The following EPPK1 variants were observed in gnomAD, a reference collection of about 807,000 sequenced individuals.
EPPK1 encodes the protein epiplakin 1.
For missense variants in EPPK1, 3,823 were observed against 3,673.3 expected (o/e 1.04, Z -1.05); for synonymous variants, 1,862 against 1,721.2 (o/e 1.08, Z -2.03).
At position 143,867,750 on chromosome 8, in the gene EPPK1, A is replaced by G. The variant is rs1554659597; in HGVS notation, c.5504T>C (p.Ile1835Thr). The change falls in exon 2 of 2, where the codon ATT becomes ACT. Residue 1835 changes from isoleucine to threonine, a missense_variant. Physicochemically the swap from Ile to Thr is moderately conservative, Grantham distance 89. Coordinates refer to ENST00000615648, the MANE Select transcript of EPPK1 (RefSeq NM_031308.4). ...EKLLEIITTT[I>T]EETETQNQGI... is the part of the protein sequence containing the mutation. The stretch of plus-strand genomic sequence containing the variant: ...TTGGTTTTGCGTCTCTGTTTCTTCA[A>G]TTGTCGTGGTGATGATTTCCAGCAA... The G allele has an allele frequency of 1.9e-6, 3 of 1,613,414 alleles. No individual in the cohort carries two copies. Among genetic ancestry groups the G allele is most frequent in the African/African-American group, 1.3e-5 (1 of 74,866 alleles).
At position 143,867,565 on chromosome 8, in the gene EPPK1, C is replaced by A; in HGVS notation, c.5689G>T (p.Gly1897Cys). 2 of 1,612,858 alleles carry A rather than the reference C, an allele frequency of 1.2e-6. No homozygotes were observed. Among genetic ancestry groups the A allele is most frequent in the Non-Finnish European group, 1.7e-6 (2 of 1,179,830 alleles). The stretch of plus-strand genomic sequence containing the variant: ...GGCACCGTGACCCCCGCAATGCAGC[C>A]GCTGCCTTCCAGATAGGGCTTCACA... ...ECVKPYLEGS[G>C]CIAGVTVPST... Residue 1897 changes from glycine (G) to cysteine (C), a missense_variant, in exon 2 of 2, where the codon GGC becomes TGC. By Grantham distance (159) the Gly-to-Cys change is radical (BLOSUM62 -3). Transcript: ENST00000615648.
intron 1 of EPPK1, among the ~76,000 whole-genome samples, chr8:143,876,475 T>C (rs994591144): frequency 2.0e-5 from 3 of 152,120 alleles, no homozygotes; most frequent in Non-Finnish European, 4.4e-5. Context: ...GATCTGCTTC[T>C]GGGGGGTACA....
At position 143,870,816 on chromosome 8, in the gene EPPK1, G is replaced by T. The variant is rs782170159; in HGVS notation, c.2438C>A (p.Ala813Asp). 4 of 1,612,806 alleles carry T rather than the reference G, an allele frequency of 2.5e-6. No individual in the cohort carries two copies. The highest frequency in any genetic ancestry group is 1.3e-5 in the African/African-American group (1 of 75,052). ...SPLVDSATQQ[A>D]FQNLLLSVKY... ...CACGGAGAGCAGCAGGTTCTGGAAG[G>T]CCTGCTGGGTGGCACTGTCCACCAG... Residue 813 changes from alanine (A) to aspartate (D), a missense_variant, in exon 2 of 2, where the codon GCC becomes GAC. By Grantham distance (126) the Ala-to-Asp change is moderately radical (BLOSUM62 -2). Coordinates refer to ENST00000615648, the MANE Select transcript of EPPK1 (RefSeq NM_031308.4). The surrounding 1 kb of genome is among the most constrained non-coding windows in gnomAD (Gnocchi z 5.2).
rs1439018615 is a variant in EPPK1 at position 143,878,455 on chromosome 8, G to C, written c.-63C>G. Reference sequence around the variant, plus strand: ...CGCCGCACCTGCCCGCTCGCCGCTCGGTCCGCAGTGTCTCCGCGCGCCCGC... The same window carrying C: ...CGCCGCACCTGCCCGCTCGCCGCTCCGTCCGCAGTGTCTCCGCGCGCCCGC... On this transcript the variant is annotated 5_prime_UTR_variant, in exon 1 of 2. Coordinates refer to ENST00000615648, the MANE Select transcript of EPPK1 (RefSeq NM_031308.4). The C allele has an allele frequency of 5.6e-5, 6 of 107,716 alleles. No homozygotes were observed. Among genetic ancestry groups the C allele is most frequent in the African/African-American group, 2.7e-4 (6 of 22,586 alleles). The allele number at this position is 107,716 out of a possible 1,614,324, so 6.7% of individuals were successfully genotyped here. A position where few individuals can be genotyped will look rare whatever the true frequency, so the allele number is the denominator to read the frequency against.
At position 143,868,336 on chromosome 8, in the gene EPPK1, C is replaced by T. The variant is rs371266024; in HGVS notation, c.4918G>A (p.Val1640Met). The change falls in exon 2 of 2, where the codon GTG becomes ATG. Residue 1640 changes from valine to methionine, a missense_variant. Transcript: ENST00000615648. ...GCGCGCTCGGCCGACAGCAGCTTCA[C>T]GTAGGTTTCTTTCCCGAACATTCCT... The part of the protein sequence containing the change: ...KAGMFGKETY[V>M]KLLSAERAVT... 100 of 1,613,130 alleles carry T rather than the reference C, an allele frequency of 6.2e-5. No individual in the cohort carries two copies. Among genetic ancestry groups the T allele is most frequent in the South Asian group, 6.1e-4 (56 of 91,084 alleles).
At position 143,866,769 on chromosome 8, in the gene EPPK1, A is replaced by G; in HGVS notation, c.6485T>C (p.Ile2162Thr). 2 of 1,613,404 alleles carry G rather than the reference A, an allele frequency of 1.2e-6. No individual in the cohort carries two copies. Among genetic ancestry groups the G allele is most frequent in the Non-Finnish European group, 1.7e-6 (2 of 1,179,846 alleles). The change falls in exon 2 of 2, where the codon ATC becomes ACC. Residue 2162 changes from isoleucine (I) to threonine (T), a missense_variant. Transcript: ENST00000615648. ...QTVAQLILEL[I>T]EKQETSNKHL... is the part of the protein sequence containing the mutation. ...TTTGTTGCTGGTTTCCTGCTTCTCGATCAACTCTAAGATGAGCTGCGCTAC... is the reference window on the plus strand; with the variant it reads ...TTTGTTGCTGGTTTCCTGCTTCTCGGTCAACTCTAAGATGAGCTGCGCTAC...
In EPPK1 at chr8:143,871,747, A is replaced by G; in HGVS notation, c.1507T>C (p.Phe503Leu). 6.2e-7 allele frequency: 1 copy of G among 1,610,420 alleles called. No homozygotes were observed. Among genetic ancestry groups the G allele is most frequent in the Non-Finnish European group, 8.5e-7 (1 of 1,178,824 alleles). ...CAGAGGGACACGGGCCGGCCCCGGA[A>G]CTTCCCCACAGAGACGGTGGCTGTG... is the stretch of plus-strand genomic sequence containing the variant. ...TATATVSVGK[F>L]RGRPVSLWEL... Residue 503 changes from phenylalanine to leucine, a missense_variant, in exon 2 of 2, where the codon TTC (phenylalanine) becomes CTC (leucine). By Grantham distance (22) the Phe-to-Leu change is conservative (BLOSUM62 0). Transcript: ENST00000615648.
Position 143,871,647 on chromosome 8 carries a change from A to G in EPPK1, c.1607T>C (p.Leu536Pro), listed in dbSNP as rs1554661253. ...CTTAGCGGCCAGCTTCTCCACGGAG[A>G]GGGTCCCTTCCTGGTACTGCTGGGC... ...MLAQQYQEGT[L>P]SVEKLAAKLS... Residue 536 changes from leucine (L) to proline (P), a missense_variant, in exon 2 of 2, where the codon CTC becomes CCC. By Grantham distance (98) the Leu-to-Pro change is moderately conservative. Transcript: ENST00000615648. 6.2e-7 allele frequency: 1 copy of G among 1,603,246 alleles called. No individual in the cohort carries two copies. The highest frequency in any genetic ancestry group is 1.1e-5 in the South Asian group (1 of 89,648).
chr8:143,867,874 C>T lies in EPPK1; in HGVS notation c.5380G>A (p.Val1794Ile), dbSNP rs782787237. 9 of 1,613,194 alleles carry T rather than the reference C, an allele frequency of 5.6e-6. No individual in the cohort carries two copies. The highest frequency in any genetic ancestry group is 5.5e-5 in the South Asian group (5 of 91,062). ...GAGGACAGCAGGTCCCAGAAAGAGA[C>T]CACCTGGTCAGCAAACCTCCCCACG... Reference protein sequence around the residue: ...MRVGRFADQVVSFWDLLSSPY... With the variant: ...MRVGRFADQVISFWDLLSSPY... Residue 1794 changes from valine to isoleucine, a missense_variant, in exon 2 of 2, where the codon GTC becomes ATC. Physicochemically the swap from Val to Ile is conservative, Grantham distance 29. Coordinates refer to ENST00000615648, the MANE Select transcript of EPPK1 (RefSeq NM_031308.4).
chr8:143,872,749 C>T lies in EPPK1; in HGVS notation c.505G>A (p.Val169Met), dbSNP rs560074968. The T allele has an allele frequency of 1.8e-4, 286 of 1,592,260 alleles. 3 individuals carry two copies. In the East Asian group the frequency reaches 5.0e-3, roughly 28 times the overall value. ...TGGTGGCAGGCTGGCTCAGGGGCCA[C>T]GAGCACTCCCTGGGCGGGGTCCACC... Reference protein sequence around the residue: ...GLVDPAQGVLVAPEPACHQGL... With the variant: ...GLVDPAQGVLMAPEPACHQGL... The change falls in exon 2 of 2, where the codon GTG (valine) becomes ATG (methionine). Residue 169 changes from valine to methionine, a missense_variant. Val to Met is a conservative substitution (Grantham distance 21, BLOSUM62 1). Coordinates refer to ENST00000615648, the MANE Select transcript of EPPK1 (RefSeq NM_031308.4).
In EPPK1 at chr8:143,866,326, AGCCGG is replaced by A. The variant is rs1819104123; in HGVS notation, c.6923_6927del (p.Thr2308IlefsTer333). The stretch of plus-strand genomic sequence containing the variant: ...TGCTGCCCGGTGTAGGGGTCGGTGT[AGCCGG>A]TGACGGCGCGCTCGGCCGACAGCAG... On this transcript the variant is annotated frameshift_variant, in exon 2 of 2. Transcript: ENST00000615648. LOFTEE classifies it low-confidence loss of function (END_TRUNC). 1 of 446,036 alleles carries A rather than the reference AGCCGG, an allele frequency of 2.2e-6. No homozygotes were observed. Among genetic ancestry groups the A allele is most frequent in the African/African-American group, 5.2e-5 (1 of 19,120 alleles). 27.6% of individuals were successfully genotyped at this position (446,036 alleles called of 1,614,324 possible). A position where few individuals can be genotyped will look rare whatever the true frequency, so the allele number is the denominator to read the frequency against.
chr8:143,872,757 C>A lies in EPPK1; in HGVS notation c.497G>T (p.Gly166Val), dbSNP rs532844401. The change falls in exon 2 of 2, where the codon GGA becomes GTA. Residue 166 changes from glycine (G) to valine (V), a missense_variant. By Grantham distance (109) the Gly-to-Val change is moderately radical. Transcript: ENST00000615648. ...ATGGLVDPAQGVLVAPEPACH... is the reference protein window; with the variant it reads ...ATGGLVDPAQVVLVAPEPACH... ...GGCTGGCTCAGGGGCCACGAGCACT[C>A]CCTGGGCGGGGTCCACCAGGCCCCC... The A allele has an allele frequency of 6.3e-7, 1 of 1,589,240 alleles. No homozygotes were observed. Among genetic ancestry groups the A allele is most frequent in the East Asian group, 2.2e-5 (1 of 44,470 alleles).
chr8:143,871,888 C>T lies in EPPK1; in HGVS notation c.1366G>A (p.Val456Ile), dbSNP rs782354575. ...LRYEQLLALC[V>I]TDPETGLAFL... ...GCAAGCCCGGTCTCTGGGTCGGTGA[C>T]ACAGAGGGCCAGCAGCTGTTCATAG... The change falls in exon 2 of 2, where the codon GTC (valine) becomes ATC (isoleucine). Residue 456 changes from valine (V) to isoleucine (I), a missense_variant. By Grantham distance (29) the Val-to-Ile change is conservative (BLOSUM62 3). Coordinates refer to ENST00000615648, the MANE Select transcript of EPPK1 (RefSeq NM_031308.4). 1.2e-6 allele frequency: 2 copies of T among 1,609,668 alleles called. No homozygotes were observed. The highest frequency in any genetic ancestry group is 2.2e-5 in the East Asian group (1 of 44,894).
intron 1 of EPPK1, among the ~76,000 whole-genome samples, chr8:143,874,666 G>T (rs1005214435): frequency 5.3e-5 from 8 of 152,058 alleles, no homozygotes; most frequent in Non-Finnish European, 1.0e-4. Flanking sequence ...TGCTCTTTAG[G>T]CCCCTGGTCA....
At position 143,867,503 on chromosome 8, in the gene EPPK1, G is replaced by A. The variant is rs782548581; in HGVS notation, c.5751C>T (p.Ser1917=). Residue 1917 remains serine, a synonymous_variant, in exon 2 of 2, where the codon AGC becomes AGT. Transcript: ENST00000615648. ...ATGCTGCAGGGATGAGCTCCTTCCT[G>A]CTGGCCTCATGGAGGCTCATGACCT... ...TREVMSLHEA[S]RKELIPAAFA... 6.2e-7 allele frequency: 1 copy of A among 1,612,646 alleles called. No homozygotes were observed. Among genetic ancestry groups the A allele is most frequent in the Non-Finnish European group, 8.5e-7 (1 of 1,179,842 alleles).
In EPPK1 at chr8:143,872,254, C is replaced by A; in HGVS notation, c.1000G>T (p.Gly334Cys). The A allele has an allele frequency of 6.2e-7, 1 of 1,609,700 alleles. No individual in the cohort carries two copies. Among genetic ancestry groups the A allele is most frequent in the Admixed American group, 1.7e-5 (1 of 59,820 alleles). ...ATHTLVDPIT[G>C]QRLWVDEAVR... Reference sequence around the variant, plus strand: ...GCCTCGTCTACCCACAGCCGCTGGCCTGTGATGGGGTCCACCAGGGTGTGG... The same window carrying A: ...GCCTCGTCTACCCACAGCCGCTGGCATGTGATGGGGTCCACCAGGGTGTGG... Residue 334 changes from glycine (G) to cysteine (C), a missense_variant, in exon 2 of 2, where the codon GGC becomes TGC. Gly to Cys is a radical substitution (Grantham distance 159, BLOSUM62 -3). Transcript: ENST00000615648.
rs190772595 is a variant in EPPK1 at position 143,871,213 on chromosome 8, G to T, written c.2041C>A (p.Leu681Met). 1.7e-4 allele frequency: 280 copies of T among 1,613,266 alleles called. No individual in the cohort carries two copies. Among genetic ancestry groups the T allele is most frequent in the Non-Finnish European group, 1.5e-4 (182 of 1,180,034 alleles). The change falls in exon 2 of 2, where the codon CTG becomes ATG. Residue 681 changes from leucine to methionine, a missense_variant. Leu to Met is a conservative substitution (Grantham distance 15, BLOSUM62 2). Transcript: ENST00000615648. ...AVIGPDVFAK[L>M]LSAERAVTGY... ...GTGACAGCGCGCTCAGCCGACAGCA[G>T]CTTCGCGAACACATCAGGCCCAATG...
rs782558321 is a variant in EPPK1 at position 143,871,438 on chromosome 8, G to T, written c.1816C>A (p.Leu606Met). The T allele has an allele frequency of 1.2e-6, 2 of 1,605,690 alleles. No homozygotes were observed. The highest frequency in any genetic ancestry group is 1.7e-5 in the Admixed American group (1 of 59,152). ...VGSLASVQRYLQGTGCIAGLL... is the reference protein window; with the variant it reads ...VGSLASVQRYMQGTGCIAGLL... ...CCAGCAATGCAGCCCGTACCCTGCA[G>T]GTACCTCTGCACCGAGGCCAGGCTG... is the stretch of plus-strand genomic sequence containing the variant. The change falls in exon 2 of 2, where the codon CTG becomes ATG. Residue 606 changes from leucine (L) to methionine (M), a missense_variant. By Grantham distance (15) the Leu-to-Met change is conservative. Transcript: ENST00000615648.
At chr8:143,875,798 T>G (rs528752691) in intron 1 of EPPK1, among the ~76,000 whole-genome samples, 8 of 152,232 alleles carry the variant, frequency 5.3e-5, no homozygotes, top group Non-Finnish European at 1.0e-4. Context: ...ACAGCCGGGG[T>G]GCCAGCTCCC....
Sources: gnomAD v4.1 joint callset for allele counts (sites outside exome capture counted in the v4.1 genomes callset) on GRCh38, gnomAD v4.1.1 for gene constraint, Gnocchi (gnomAD v3.1) non-coding constraint, MANE v1.5 for transcripts, NCBI Gene and HGNC (gene_info 2026-07-23, HGNC 2026-07-21) for gene names.